Variants in FRS2 observed in about 807,000 individuals in gnomAD.
FRS2 encodes the protein fibroblast growth factor receptor substrate 2.
A neutral mutation model predicts 43.9 loss-of-function variants in FRS2; 8 were observed. The ratio of observed to expected loss-of-function variants is 0.18; its 90% CI spans 0.11 to 0.33. The LOEUF is 0.33. Among genes scored for constraint, FRS2 ranks in the 10% least tolerant of loss-of-function variants. The pLI, the probability that FRS2 is intolerant of heterozygous loss-of-function variation, is 1.00. For synonymous variants in FRS2, 219 were observed against 220.3 expected, an observed-to-expected ratio of 0.99 and a Z score of 0.05; for missense variants, 534 against 627.6, an observed-to-expected ratio of 0.85 and a Z score of 1.59.
intron 1 of FRS2, among the ~76,000 whole-genome samples, chr12:69,515,192 T>C (rs1874870125): frequency 6.6e-6 from 1 of 152,256 alleles, no homozygotes; most frequent in Non-Finnish European, 1.5e-5. Context: ...AACTGACTTT[T>C]AATGTCTTTT....
intron 1 of FRS2, among the ~76,000 whole-genome samples, chr12:69,516,638 T>A (rs1472836623): frequency 6.6e-6 from 1 of 152,226 alleles, no homozygotes; most frequent in Non-Finnish European, 1.5e-5. Flanking sequence ...AAGTGATTTG[T>A]GTTCTGTTTA....
At chr12:69,516,666 A>T (rs1029489862) in intron 1 of FRS2, among the ~76,000 whole-genome samples, 2 of 152,232 alleles carry the variant, frequency 1.3e-5, no homozygotes, top group African/African-American at 4.8e-5. Flanking sequence ...AATTGTCAAC[A>T]TTGAGTATAC....
chr12:69,555,980 T>C (rs1041629136), intron 3 of FRS2, among the ~76,000 whole-genome samples: 3 of 142,074 alleles, frequency 2.1e-5, no homozygotes, highest in African/African-American at 7.8e-5. Context: ...GCATTTGGCA[T>C]AGCTTCTTTT....
At chr12:69,569,132 C>T (rs752138417) in intron 5 of FRS2, 36 bp downstream of exon 5, 2 of 1,226,224 alleles carry the variant, frequency 1.6e-6, no homozygotes, top group South Asian at 1.3e-5. Context: ...ATCTTACTGC[C>T]TAGTTGGGTG....
chr12:69,547,271 G>A (rs1206940836), intron 3 of FRS2, among the ~76,000 whole-genome samples: 2 of 152,110 alleles, frequency 1.3e-5, no homozygotes, highest in Non-Finnish European at 2.9e-5. Flanking sequence ...AAGAAGCCTA[G>A]GCAACATAGT....
chr12:69,562,580 C>T (rs534016545), intron 4 of FRS2, among the ~76,000 whole-genome samples: 16 of 152,330 alleles, frequency 1.1e-4, no homozygotes, highest in African/African-American at 3.8e-4. Context: ...CTTTAATTAA[C>T]TAAGACATGT....
intron 3 of FRS2, among the ~76,000 whole-genome samples, chr12:69,532,365 C>T (rs1190740722): frequency 2.0e-5 from 3 of 152,014 alleles, no homozygotes; most frequent in African/African-American, 7.3e-5. Flanking sequence ...CATTGGGGCT[C>T]ATTTATCTTT....
At chr12:69,517,810 G>A (rs1875207626) in intron 1 of FRS2, among the ~76,000 whole-genome samples, 1 of 151,960 alleles carries the variant, frequency 6.6e-6, no homozygotes, top group Non-Finnish European at 1.5e-5. Context: ...CATTTATATT[G>A]CGAACTTGAG....
chr12:69,501,228 C>T (rs1445571067), intron 1 of FRS2, among the ~76,000 whole-genome samples: 2 of 151,956 alleles, frequency 1.3e-5, no homozygotes, highest in Admixed American at 6.6e-5. Flanking sequence ...TCCCCCCTCC[C>T]CCTTTAAAAG....
intron 1 of FRS2, among the ~76,000 whole-genome samples, chr12:69,495,085 A>G (rs1296284543): frequency 6.6e-6 from 1 of 152,106 alleles, no homozygotes; most frequent in Non-Finnish European, 1.5e-5. Flanking sequence ...CTAGGTTTTA[A>G]TTCAGTATTC....
intron 1 of FRS2, among the ~76,000 whole-genome samples, chr12:69,508,854 C>G (rs1874197313): frequency 6.6e-6 from 1 of 152,204 alleles, no homozygotes; most frequent in African/African-American, 2.4e-5. Flanking sequence ...CTTAATCTCT[C>G]TACTGCCCAC....
At chr12:69,473,421 G>C (rs757711277) in intron 1 of FRS2, among the ~76,000 whole-genome samples, 2 of 152,156 alleles carry the variant, frequency 1.3e-5, no homozygotes, top group Non-Finnish European at 2.9e-5. Context: ...GGTGAAGAAG[G>C]CCTTTCAAAT....
rs189566065 is a variant in FRS2, at chr12:69,547,552, C to G, written c.-121-14628C>G. 1.0e-3 allele frequency among the ~76,000 whole-genome samples: 159 copies of G among 152,186 alleles called. 1 individual carries two copies. The highest frequency in any genetic ancestry group is 3.2e-3 in the African/African-American group (133 of 41,534). Reference sequence around the variant, plus strand: ...TACCACAATAAAAAAGTAGAAAATGCAATTAAATCTTATTCATAGAAATAA... The same window carrying G: ...TACCACAATAAAAAAGTAGAAAATGGAATTAAATCTTATTCATAGAAATAA... On this transcript the variant is annotated intron_variant, in intron 3 of 8. Coordinates refer to ENST00000549921, the MANE Select transcript of FRS2 (RefSeq NM_001278356.2).
intron 1 of FRS2, among the ~76,000 whole-genome samples, chr12:69,489,515 C>G (rs984948083): frequency 2.0e-5 from 3 of 151,830 alleles, no homozygotes; most frequent in East Asian, 1.9e-4. Context: ...ACTAAAAATA[C>G]AAAAATTGGC....
intron 3 of FRS2, among the ~76,000 whole-genome samples, chr12:69,546,466 T>C (rs1222877747): frequency 1.3e-5 from 2 of 152,092 alleles, no homozygotes; most frequent in Non-Finnish European, 2.9e-5. Context: ...CTATGTTACC[T>C]GGGCTGGTCT....
chr12:69,505,024 G>A (rs1397274165), intron 1 of FRS2, among the ~76,000 whole-genome samples: 1 of 152,128 alleles, frequency 6.6e-6, no homozygotes, highest in Admixed American at 6.5e-5. Context: ...GTATTGTACT[G>A]TACTGTACTG....
chr12:69,569,395 A>G (rs1364737942), intron 5 of FRS2, among the ~76,000 whole-genome samples: 1 of 151,966 alleles, frequency 6.6e-6, no homozygotes, highest in Non-Finnish European at 1.5e-5. Context: ...TTCAGTTATT[A>G]TTTTCATGTG....
At chr12:69,538,976 C>T (rs1877612423) in intron 3 of FRS2, among the ~76,000 whole-genome samples, 1 of 152,130 alleles carries the variant, frequency 6.6e-6, no homozygotes, top group African/African-American at 2.4e-5. Flanking sequence ...CAAGAGCACA[C>T]CAAGAACCCA....
intron 1 of FRS2, among the ~76,000 whole-genome samples, chr12:69,522,063 C>A (rs1875711699): frequency 6.6e-6 from 1 of 152,162 alleles, no homozygotes; most frequent in Non-Finnish European, 1.5e-5. Flanking sequence ...AAACTTGCAT[C>A]CCAGGGATAA....
Sources: gnomAD v4.1 joint callset for allele counts (sites outside exome capture counted in the v4.1 genomes callset) on GRCh38, gnomAD v4.1.1 for gene constraint, MANE v1.5 for transcripts, NCBI Gene and HGNC (gene_info 2026-07-23, HGNC 2026-07-21) for gene names.